The following PCLO variants were observed in gnomAD, a reference collection of about 807,000 sequenced individuals.
The protein encoded by PCLO is piccolo presynaptic cytomatrix protein.
A neutral mutation model predicts 427.5 loss-of-function variants in PCLO; 82 were observed. The ratio of observed to expected loss-of-function variants is 0.19; its 90% CI spans 0.16 to 0.23. The LOEUF (loss-of-function observed/expected upper bound fraction) is 0.23. Ranked by LOEUF, PCLO falls within the 10% of genes least tolerant of loss-of-function variation. The probability of loss-of-function intolerance (pLI) is 1.00; values close to 1 mark genes in which losing one functional copy is unlikely to be tolerated. For synonymous variants in PCLO, 2,357 were observed against 2,155.4 expected, an observed-to-expected ratio of 1.09 and a Z score of -2.59; for missense variants, 6,239 against 6,115.9, an observed-to-expected ratio of 1.02 and a Z score of -0.67.
intron 10 of PCLO, among the ~76,000 whole-genome samples, chr7:82,859,455 CTCTG>C (rs1490701093): frequency 6.6e-6 from 1 of 152,166 alleles, no homozygotes; most frequent in Non-Finnish European, 1.5e-5. Context: ...GAACAAGAGT[CTCTG>C]TCTGGTAATC....
chr7:83,002,353 T>C (rs1787844381), intron 3 of PCLO, among the ~76,000 whole-genome samples: 1 of 152,022 alleles, frequency 6.6e-6, no homozygotes, highest in South Asian at 2.1e-4. Context: ...AATAATTTTA[T>C]CTTCCATTTC....
rs575827263 is a variant in PCLO at position 82,774,614 on chromosome 7, C to A, written c.15008-13121G>T. Reference sequence around the variant, plus strand: ...TTTTAGAGCAGTTTTATGTTCACAGCAAAATTGAGAGGAAGGTACAGAGAT... The same window carrying A: ...TTTTAGAGCAGTTTTATGTTCACAGAAAAATTGAGAGGAAGGTACAGAGAT... On this transcript the variant is annotated intron_variant, in intron 22 of 24. Transcript: ENST00000333891. Among the ~76,000 whole-genome samples, 16 of 152,184 alleles carry A rather than the reference C, an allele frequency of 1.1e-4. No individual in the cohort carries two copies. The East Asian group carries it at 3.1e-3, about 29-fold the overall frequency.
At chr7:83,103,072 T>A (rs537475535) in intron 3 of PCLO, among the ~76,000 whole-genome samples, 25 of 152,080 alleles carry the variant, frequency 1.6e-4, no homozygotes, top group African/African-American at 4.3e-4. Flanking sequence ...TATTGACAAG[T>A]AAATATCATA....
chr7:82,759,249 T>C (rs1790381363), intron 24 of PCLO, among the ~76,000 whole-genome samples: 2 of 147,658 alleles, frequency 1.4e-5, no homozygotes, highest in Non-Finnish European at 3.0e-5. Flanking sequence ...AACTAAAGAA[T>C]TTTTTTTTTT....
intron 3 of PCLO, among the ~76,000 whole-genome samples, chr7:83,048,124 T>C (rs1789146601): frequency 6.6e-6 from 1 of 152,104 alleles, no homozygotes; most frequent in Non-Finnish European, 1.5e-5. Flanking sequence ...GGGTTGCATA[T>C]TGTGTTATTA....
intron 3 of PCLO, among the ~76,000 whole-genome samples, chr7:83,037,174 T>C (rs1259570504): frequency 6.6e-6 from 1 of 152,128 alleles, no homozygotes; most frequent in African/African-American, 2.4e-5. Flanking sequence ...GATCATACTA[T>C]AGCAGGTTGC....
intron 9 of PCLO, chr7:82,879,848 T>C (rs1271352398): frequency 1.3e-5 from 6 of 454,432 alleles, no homozygotes; most frequent in African/African-American, 1.2e-4. Context: ...TAATGACTAT[T>C]CCAAATTGAG....
chr7:82,937,336 G>GT (rs199635218), intron 6 of PCLO, among the ~76,000 whole-genome samples: 7,204 of 137,100 alleles, frequency 0.053, 383 homozygotes, highest in African/African-American at 0.14. Context: ...CCACACTACA[G>GT]TTTTTTTTTT....
rs756927135 is a variant in PCLO at position 82,915,524 on chromosome 7, G to A, written c.12462C>T (p.Ser4154=). The A allele has an allele frequency of 3.7e-6, 6 of 1,613,552 alleles. No homozygotes were observed. The East Asian group carries it at 1.1e-4, about 30-fold the overall frequency. The change falls in exon 7 of 25, where the codon AGC becomes AGT. Residue 4154 remains serine (S), a synonymous_variant. Transcript: ENST00000333891. ...GLSHYYHADT[S]YRHFPKSEKY... ...TCTCAGATTTTGGAAAATGTCTGTA[G>A]CTAGTATCAGCATGGTAATAATGAG...
rs996567402 is a variant in PCLO at position 82,956,746 on chromosome 7, G to T, written c.4207C>A (p.Pro1403Thr). 1.9e-6 allele frequency: 3 copies of T among 1,613,692 alleles called. No homozygotes were observed. Among genetic ancestry groups the T allele is most frequent in the Non-Finnish European group, 8.5e-7 (1 of 1,179,820 alleles). The change falls in exon 5 of 25, where the codon CCT becomes ACT. Residue 1403 changes from proline to threonine, a missense_variant. By Grantham distance (38) the Pro-to-Thr change is conservative. Around this residue, in one of 5 missense-constraint regions of PCLO, gnomAD observed 4,677 missense variants for 4,468.4 expected, o/e 1.05. Coordinates refer to ENST00000333891, the MANE Select transcript of PCLO (RefSeq NM_033026.6). ...KKDSFSQESS[P>T]SSPSDLAKLE... Reference sequence around the variant, plus strand: ...TTAGCCAAATCTGAGGGGCTGGAAGGGCTGCTTTCTTGTGAAAAAGAGTCC... The same window carrying T: ...TTAGCCAAATCTGAGGGGCTGGAAGTGCTGCTTTCTTGTGAAAAAGAGTCC...
chr7:82,949,947 T>C lies in PCLO; in HGVS notation c.10641A>G (p.Val3547=). Reference sequence around the variant, plus strand: ...GTGCTGAAATGTGTTTAATTATTTCTACCTTGGCATCCACTCGTGCCCGTA... The same window carrying C: ...GTGCTGAAATGTGTTTAATTATTTCCACCTTGGCATCCACTCGTGCCCGTA... ...PSIRARVDAK[V]EIIKHISAPE... is the part of the protein sequence containing the mutation. Residue 3547 remains valine, a synonymous_variant, in exon 6 of 25, where the codon GTA becomes GTG. Transcript: ENST00000333891. 1.2e-6 allele frequency: 2 copies of C among 1,613,638 alleles called. No homozygotes were observed. The highest frequency in any genetic ancestry group is 2.2e-5 in the South Asian group (2 of 91,048).
intron 22 of PCLO, among the ~76,000 whole-genome samples, chr7:82,790,786 T>C (rs773457381): frequency 3.3e-5 from 5 of 152,206 alleles, no homozygotes; most frequent in Admixed American, 6.5e-5. Flanking sequence ...TAGTTTTTAA[T>C]TGAAGTAATA....
rs1429006135 is a variant in PCLO at position 83,155,870 on chromosome 7, T to C, written c.771A>G (p.Pro257=). 1 of 1,613,996 alleles carries C rather than the reference T, an allele frequency of 6.2e-7. No individual in the cohort carries two copies. The highest frequency in any genetic ancestry group is 8.5e-7 in the Non-Finnish European group (1 of 1,179,888). The change falls in exon 2 of 25, where the codon CCA becomes CCG. Residue 257 remains proline (P), a synonymous_variant. Transcript: ENST00000333891. ...GAGGAGTCTGGGTAGGACCCTGAAT[T>C]GGCTTTCCTGTACCTGGAGGTTGTG... ...IKSQPPGTGK[P]IQGPTQTPQT...
At chr7:83,004,186 A>T (rs1302914652) in intron 3 of PCLO, among the ~76,000 whole-genome samples, 1 of 151,828 alleles carries the variant, frequency 6.6e-6, no homozygotes, top group Non-Finnish European at 1.5e-5. Context: ...GAACCACAAA[A>T]GATCCCAAAC....
chr7:82,972,986 G>A (rs377379533), intron 3 of PCLO, among the ~76,000 whole-genome samples: 3 of 151,812 alleles, frequency 2.0e-5, no homozygotes, highest in East Asian at 3.9e-4. Flanking sequence ...TCAGATCCAC[G>A]CATTTTTACA....
chr7:82,908,086 T>G (rs12112394), intron 8 of PCLO, among the ~76,000 whole-genome samples: 366 of 152,132 alleles, frequency 2.4e-3, no homozygotes, highest in African/African-American at 8.4e-3. Context: ...ATTTCAATAA[T>G]CATAATGAGT....
At chr7:82,990,662 A>G (rs1048087860) in intron 3 of PCLO, among the ~76,000 whole-genome samples, 1 of 152,176 alleles carries the variant, frequency 6.6e-6, no homozygotes, top group Non-Finnish European at 1.5e-5. Context: ...GTATTTAACA[A>G]AAACTTTATT....
At chr7:82,774,816 G>GA (rs1191030881) in intron 22 of PCLO, among the ~76,000 whole-genome samples, 1 of 152,020 alleles carries the variant, frequency 6.6e-6, no homozygotes, top group East Asian at 1.9e-4. Context: ...CAGGGGTTTG[G>GA]AAAAATACAT....
At chr7:82,974,372 T>C (rs1451152376) in intron 3 of PCLO, among the ~76,000 whole-genome samples, 1 of 152,158 alleles carries the variant, frequency 6.6e-6, no homozygotes, top group Non-Finnish European at 1.5e-5. Context: ...CTGAGTAGAC[T>C]ACCTGATCTG....
Sources: gnomAD v4.1 joint callset for allele counts (sites outside exome capture counted in the v4.1 genomes callset) on GRCh38, gnomAD v4.1.1 for gene constraint, gnomAD v4.1.1 regional missense constraint, MANE v1.5 for transcripts, NCBI Gene and HGNC (gene_info 2026-07-23, HGNC 2026-07-21) for gene names.